Variants in BRMS1L observed in about 807,000 individuals in gnomAD.
BRMS1L encodes breast cancer metastasis-suppressor 1-like protein.
In BRMS1L, 23 loss-of-function variants were observed where a neutral mutation model predicts 50.3. The ratio of observed to expected loss-of-function variants is 0.46; its 90% CI spans 0.33 to 0.65. The LOEUF is 0.65. Ranked by LOEUF, BRMS1L falls within the 30% of genes least tolerant of loss-of-function variation. The pLI is 0.02. For missense variants in BRMS1L, 286 were observed against 386.1 expected (o/e 0.74, Z 2.17); for synonymous variants, 114 against 126.9 (o/e 0.90, Z 0.69).
intron 3 of BRMS1L, among the ~76,000 whole-genome samples, 186 bp downstream of exon 3, chr14:35,833,291 C>G (rs193039872): frequency 1.3e-5 from 2 of 150,732 alleles, no homozygotes; most frequent in African/African-American, 4.9e-5. Flanking sequence ...TGCTCTGCTG[C>G]TGTAGGGGAT....
At chr14:35,857,445 G>GT (rs1566426832) in intron 4 of BRMS1L, among the ~76,000 whole-genome samples, 1 of 151,760 alleles carries the variant, frequency 6.6e-6, no homozygotes, top group African/African-American at 2.4e-5. Flanking sequence ...TCTAACTTGT[G>GT]TATCAGTTGC....
chr14:35,862,306 G>A (rs2078362719), intron 4 of BRMS1L, among the ~76,000 whole-genome samples: 1 of 152,108 alleles, frequency 6.6e-6, no homozygotes, highest in African/African-American at 2.4e-5. Context: ...GGTTTGCTAT[G>A]AGTTTTTTAT....
Position 35,833,110 on chromosome 14 carries a change from G to A in BRMS1L, c.361+5G>A. On this transcript the variant is annotated splice_donor_5th_base_variant and intron_variant, in intron 3 of 9. Coordinates refer to ENST00000216807, the MANE Select transcript of BRMS1L (RefSeq NM_032352.4). Reference sequence around the variant, plus strand: ...AAATTCGTACAAAGGTAGCAGGTAGGAAAGTGAAGAATCTTTTCCATATAT... The same window carrying A: ...AAATTCGTACAAAGGTAGCAGGTAGAAAAGTGAAGAATCTTTTCCATATAT... The A allele has an allele frequency of 6.2e-7, 1 of 1,607,786 alleles. No individual in the cohort carries two copies. Among genetic ancestry groups the A allele is most frequent in the Non-Finnish European group, 8.5e-7 (1 of 1,176,316 alleles).
intron 6 of BRMS1L, among the ~76,000 whole-genome samples, chr14:35,864,632 C>T (rs2078397434): frequency 6.6e-6 from 1 of 152,146 alleles, no homozygotes; most frequent in Non-Finnish European, 1.5e-5. Context: ...TTTCGGCATT[C>T]TCTATGGTAC....
chr14:35,863,770 G>A (rs1026079521), intron 5 of BRMS1L, 100 bp from the exon 6 acceptor site: 30 of 1,060,926 alleles, frequency 2.8e-5, no homozygotes, highest in Middle Eastern at 4.1e-4. Context: ...AGTTTTTTAC[G>A]TTTTTACATG....
chr14:35,850,862 T>C (rs2078202897), intron 4 of BRMS1L, among the ~76,000 whole-genome samples: 1 of 152,222 alleles, frequency 6.6e-6, no homozygotes, highest in Non-Finnish European at 1.5e-5. Context: ...TCTTATTTAA[T>C]ATACAGTTCT....
chr14:35,838,094 A>G (rs932047701), intron 4 of BRMS1L, among the ~76,000 whole-genome samples: 8 of 150,736 alleles, frequency 5.3e-5, no homozygotes, highest in African/African-American at 1.5e-4. Flanking sequence ...TCATTGTTCA[A>G]CTCCCACTTA....
At chr14:35,856,052 T>TA (rs1490738918) in intron 4 of BRMS1L, among the ~76,000 whole-genome samples, 1 of 152,158 alleles carries the variant, frequency 6.6e-6, no homozygotes, top group Admixed American at 6.5e-5. Flanking sequence ...TACGTTAGAC[T>TA]CATATGGAAA....
intron 4 of BRMS1L, among the ~76,000 whole-genome samples, chr14:35,860,471 A>G (rs985161110): frequency 1.3e-5 from 2 of 151,938 alleles, no homozygotes; most frequent in African/African-American, 2.4e-5. Context: ...TTATTGTCAG[A>G]TTCCCAGATG....
At chr14:35,837,664 C>T (rs960625370) in intron 4 of BRMS1L, among the ~76,000 whole-genome samples, 1 of 152,054 alleles carries the variant, frequency 6.6e-6, no homozygotes, top group Non-Finnish European at 1.5e-5. Flanking sequence ...GATTCTCCTG[C>T]CTCAGCCTCC....
intron 4 of BRMS1L, among the ~76,000 whole-genome samples, chr14:35,859,522 C>T (rs1174813384): frequency 6.6e-6 from 1 of 152,170 alleles, no homozygotes; most frequent in African/African-American, 2.4e-5. Context: ...TTCCTGAATA[C>T]TTTTAGGATC....
rs756646100 is a variant in BRMS1L, at chr14:35,867,927, A to T, written c.749A>T (p.His250Leu). The change falls in exon 9 of 10, where the codon CAT becomes CTT. Residue 250 changes from histidine (H) to leucine (L), a missense_variant. By Grantham distance (99) the His-to-Leu change is moderately conservative. Transcript: ENST00000216807. ...KTEPPVKLEK[H>L]LHSARSEEGR... Reference sequence around the variant, plus strand: ...TTAGCACCTGTGAAACTGGAAAAACATCTGCACAGTGCTAGATCTGAAGAG... The same window carrying T: ...TTAGCACCTGTGAAACTGGAAAAACTTCTGCACAGTGCTAGATCTGAAGAG... The T allele has an allele frequency of 1.2e-6, 2 of 1,607,444 alleles. No individual in the cohort carries two copies. The highest frequency in any genetic ancestry group is 4.5e-5 in the East Asian group (2 of 44,578).
At chr14:35,826,730 C>A (rs961372775) in intron 1 of BRMS1L, 72 bp downstream of exon 1, 35 of 1,569,402 alleles carry the variant, frequency 2.2e-5, no homozygotes, top group Non-Finnish European at 2.9e-5. Flanking sequence ...GCACGCCAGG[C>A]GGCTGCGTCC....
intron 4 of BRMS1L, among the ~76,000 whole-genome samples, chr14:35,842,367 GCCTAGTGGTGA>G (rs1483684562): frequency 6.6e-6 from 1 of 152,102 alleles, no homozygotes; most frequent in Non-Finnish European, 1.5e-5. Flanking sequence ...TGTAAGGCAG[GCCTAGTGGTGA>G]CAAAATCTCT....
intron 4 of BRMS1L, among the ~76,000 whole-genome samples, chr14:35,857,638 A>G (rs2078298773): frequency 6.6e-6 from 1 of 152,100 alleles, no homozygotes; most frequent in African/African-American, 2.4e-5. Flanking sequence ...TTCTAAATAA[A>G]GCAGTTTTAG....
intron 4 of BRMS1L, among the ~76,000 whole-genome samples, chr14:35,844,156 T>G (rs2078101559): frequency 6.6e-6 from 1 of 152,176 alleles, no homozygotes; most frequent in Non-Finnish European, 1.5e-5. Context: ...GCAAGACCAC[T>G]TGGCTCCATG....
intron 4 of BRMS1L, among the ~76,000 whole-genome samples, chr14:35,855,461 A>G (rs955557317): frequency 1.3e-5 from 2 of 152,178 alleles, no homozygotes; most frequent in African/African-American, 4.8e-5. Flanking sequence ...CAGGAAATCT[A>G]TCTAGGTGTG....
chr14:35,845,677 A>T (rs933450928), intron 4 of BRMS1L, among the ~76,000 whole-genome samples: 1 of 152,246 alleles, frequency 6.6e-6, no homozygotes, highest in African/African-American at 2.4e-5. Flanking sequence ...CCATAGAAGT[A>T]TATATTTAAG....
intron 4 of BRMS1L, among the ~76,000 whole-genome samples, chr14:35,861,012 A>G (rs1275832234): frequency 6.6e-6 from 1 of 152,218 alleles, no homozygotes; most frequent in Non-Finnish European, 1.5e-5. Context: ...TTTTCCAGGT[A>G]TCTTCTAGCT....
Sources: allele counts gnomAD v4.1 joint callset (sites outside exome capture counted in the v4.1 genomes callset), GRCh38; gene constraint gnomAD v4.1.1; transcripts MANE v1.5; gene names NCBI Gene and HGNC (gene_info 2026-07-23, HGNC 2026-07-21).